The following DLGAP1 variants were observed in gnomAD, a reference collection of about 807,000 sequenced individuals.
The protein encoded by DLGAP1 is disks large-associated protein 1.
A neutral mutation model predicts 90.8 loss-of-function variants in DLGAP1; 11 were observed. That is an observed-to-expected ratio of 0.12 (90% confidence interval 0.08 to 0.20). The LOEUF is 0.20. Ranked by LOEUF, DLGAP1 falls within the 10% of genes least tolerant of loss-of-function variation. The pLI, the probability that DLGAP1 is intolerant of heterozygous loss-of-function variation, is 1.00. For synonymous variants in DLGAP1, 558 were observed against 540.7 expected (o/e 1.03, Z -0.44); for missense variants, 1,050 against 1,333.8 (o/e 0.79, Z 3.31).
intron 2 of DLGAP1, among the ~76,000 whole-genome samples, chr18:4,023,909 T>C (rs1448157403): frequency 6.6e-6 from 1 of 152,180 alleles, no homozygotes; most frequent in Non-Finnish European, 1.5e-5. Context: ...AGAAAAGGTT[T>C]ATATATGGAT....
chr18:4,343,833 G>T (rs1017866657), intron 1 of DLGAP1, among the ~76,000 whole-genome samples: 2 of 152,106 alleles, frequency 1.3e-5, no homozygotes, highest in Non-Finnish European at 2.9e-5. Context: ...TATAAATTAA[G>T]ATTTATTTTA....
At chr18:3,900,961 A>G (rs893279634) in intron 3 of DLGAP1, among the ~76,000 whole-genome samples, 6 of 151,950 alleles carry the variant, frequency 3.9e-5, no homozygotes, top group African/African-American at 1.5e-4. Flanking sequence ...CTAACTTCCA[A>G]ATCTGATCAT....
At chr18:4,271,626 C>T (rs983396759) in intron 1 of DLGAP1, among the ~76,000 whole-genome samples, 7 of 152,022 alleles carry the variant, frequency 4.6e-5, no homozygotes, top group Non-Finnish European at 8.8e-5. Flanking sequence ...ATTGTAGACA[C>T]CTGTAGTTGT....
chr18:3,685,487 C>T (rs1048599223), intron 7 of DLGAP1, among the ~76,000 whole-genome samples: 3 of 143,944 alleles, frequency 2.1e-5, no homozygotes, highest in African/African-American at 7.9e-5. Flanking sequence ...TGGCGTGAAC[C>T]CGGGAGGCAG....
intron 1 of DLGAP1, among the ~76,000 whole-genome samples, chr18:4,440,419 G>A (rs2615867): frequency 6.6e-6 from 1 of 151,816 alleles, no homozygotes; most frequent in Non-Finnish European, 1.5e-5. Flanking sequence ...GGACATTTGT[G>A]GATTTAACAG....
intron 2 of DLGAP1, among the ~76,000 whole-genome samples, chr18:4,028,378 T>G (rs1353936860): frequency 6.6e-6 from 1 of 152,232 alleles, no homozygotes; most frequent in East Asian, 1.9e-4. Context: ...TGAGGGGGCA[T>G]CAGCCTCCTG....
chr18:3,946,194 A>G (rs1425210449), intron 3 of DLGAP1, among the ~76,000 whole-genome samples: 4 of 152,120 alleles, frequency 2.6e-5, no homozygotes, highest in Admixed American at 1.3e-4. Flanking sequence ...ATGAATATCT[A>G]ACATCAAATC....
intron 1 of DLGAP1, among the ~76,000 whole-genome samples, chr18:4,350,839 T>C (rs1222639104): frequency 6.6e-6 from 1 of 152,192 alleles, no homozygotes; most frequent in Non-Finnish European, 1.5e-5. Flanking sequence ...AGGTTTGATC[T>C]AATTACCAAA....
At chr18:3,796,037 G>A (rs922227061) in intron 5 of DLGAP1, among the ~76,000 whole-genome samples, 7 of 152,076 alleles carry the variant, frequency 4.6e-5, no homozygotes, top group Admixed American at 3.3e-4. Flanking sequence ...GACCAACATC[G>A]CCCACTGAGT....
At chr18:3,952,045 G>C (rs773399213) in intron 3 of DLGAP1, among the ~76,000 whole-genome samples, 1 of 152,118 alleles carries the variant, frequency 6.6e-6, no homozygotes, top group Non-Finnish European at 1.5e-5. Context: ...AACACAGGAT[G>C]GTAGAAAAAC....
intron 9 of DLGAP1, among the ~76,000 whole-genome samples, chr18:3,555,395 C>A (rs553626887): frequency 3.3e-5 from 5 of 151,956 alleles, no homozygotes; most frequent in Admixed American, 6.6e-5. Context: ...GACCATTCTA[C>A]AAACTTCAAT....
intron 3 of DLGAP1, among the ~76,000 whole-genome samples, chr18:3,964,594 C>A (rs1298547002): frequency 1.3e-5 from 2 of 152,018 alleles, no homozygotes; most frequent in East Asian, 3.8e-4. Flanking sequence ...TCCCCAGGAG[C>A]ACCGCTACTG....
intron 1 of DLGAP1, among the ~76,000 whole-genome samples, chr18:4,419,566 T>G (rs1273838316): frequency 2.0e-5 from 3 of 152,114 alleles, no homozygotes; most frequent in Non-Finnish European, 4.4e-5. Flanking sequence ...TAACTGACTC[T>G]CTAAAGCCAA....
intron 5 of DLGAP1, among the ~76,000 whole-genome samples, chr18:3,760,588 G>A (rs1157141723): frequency 6.6e-6 from 1 of 152,128 alleles, no homozygotes; most frequent in Non-Finnish European, 1.5e-5. Flanking sequence ...CATGATCGCA[G>A]GAGGTCTGTG....
chr18:3,818,093 T>C (rs2067193869), intron 4 of DLGAP1, among the ~76,000 whole-genome samples: 1 of 152,174 alleles, frequency 6.6e-6, no homozygotes, highest in African/African-American at 2.4e-5. Context: ...TTAGATTTTA[T>C]AGTAGTTATG....
rs1201975573 is a variant in DLGAP1, at chr18:4,220,323, A to T, written c.-266-69036T>A. ...TTTTCCAGTTTAGATTCTATGGCTC[A>T]TAATTTCATTAAGACTCTTGCCAAG... On this transcript the variant is annotated intron_variant, in intron 1 of 12. Coordinates refer to ENST00000315677, the MANE Select transcript of DLGAP1 (RefSeq NM_004746.4). 1.3e-4 allele frequency among the ~76,000 whole-genome samples: 20 copies of T among 152,220 alleles called. No homozygotes were observed. The East Asian group carries it at 3.9e-3, about 29-fold the overall frequency.
chr18:3,876,338 A>G (rs1297823110), intron 4 of DLGAP1, among the ~76,000 whole-genome samples: 1 of 152,156 alleles, frequency 6.6e-6, no homozygotes, highest in Admixed American at 6.5e-5. Flanking sequence ...GGAGGTCTAC[A>G]CTGTTTTACA....
At chr18:4,161,603 A>G (rs1441347906) in intron 1 of DLGAP1, among the ~76,000 whole-genome samples, 1 of 152,142 alleles carries the variant, frequency 6.6e-6, no homozygotes, top group Non-Finnish European at 1.5e-5. Flanking sequence ...AGTATAGAAG[A>G]GCCTTATTTT....
chr18:3,531,506 G>A (rs977263633), intron 10 of DLGAP1, among the ~76,000 whole-genome samples: 1 of 151,454 alleles, frequency 6.6e-6, no homozygotes, highest in Non-Finnish European at 1.5e-5. Flanking sequence ...TTTTTGAGTC[G>A]GAGTCTCACT....
Sources: gnomAD v4.1 joint callset for allele counts (sites outside exome capture counted in the v4.1 genomes callset) on GRCh38, gnomAD v4.1.1 for gene constraint, MANE v1.5 for transcripts, NCBI Gene and HGNC (gene_info 2026-07-23, HGNC 2026-07-21) for gene names.